ATP8A2: variants seen among roughly 807,000 people sequenced by gnomAD.
ATP8A2 encodes the protein phospholipid-transporting ATPase IB.
Under a neutral mutation model 165.6 loss-of-function variants are expected in ATP8A2, and 100 were observed. The observed-to-expected ratio is 0.60, with a 90% CI of 0.51 to 0.71. The LOEUF is 0.71. Among genes scored for constraint, ATP8A2 ranks in the 30% least tolerant of loss-of-function variants. The pLI, the probability that ATP8A2 is intolerant of heterozygous loss-of-function variation, is 0.00. For synonymous variants in ATP8A2, 543 were observed against 548.8 expected, an observed-to-expected ratio of 0.99 and a Z score of 0.15; for missense variants, 1,227 against 1,479.5, an observed-to-expected ratio of 0.83 and a Z score of 2.80.
chr13:25,768,704 A>T (rs567892877), intron 25 of ATP8A2, among the ~76,000 whole-genome samples: 1 of 152,278 alleles, frequency 6.6e-6, no homozygotes, highest in East Asian at 1.9e-4. Context: ...TTGGAAAGAC[A>T]TTTCCGAAGA....
chr13:25,600,617 C>G (rs1306125855), intron 24 of ATP8A2, among the ~76,000 whole-genome samples: 1 of 152,138 alleles, frequency 6.6e-6, no homozygotes, highest in Non-Finnish European at 1.5e-5. Flanking sequence ...CCCAGGAGAC[C>G]TCAGGGAGCC....
At chr13:25,876,680 A>G (rs1442422923) in intron 33 of ATP8A2, among the ~76,000 whole-genome samples, 1 of 152,208 alleles carries the variant, frequency 6.6e-6, no homozygotes. Context: ...TTAGAAATAA[A>G]AGGAAATGGA....
chr13:25,825,687 G>A (rs1170839104), intron 27 of ATP8A2, among the ~76,000 whole-genome samples: 1 of 152,156 alleles, frequency 6.6e-6, no homozygotes, highest in Non-Finnish European at 1.5e-5. Flanking sequence ...TGCACTAAAA[G>A]TGTGGTTGAA....
intron 36 of ATP8A2, among the ~76,000 whole-genome samples, chr13:26,018,113 T>C (rs1957023584): frequency 6.6e-6 from 1 of 152,216 alleles, no homozygotes; most frequent in Non-Finnish European, 1.5e-5. Context: ...GCTCAGCCCA[T>C]GTCCTCAGTC....
chr13:25,756,992 G>C (rs933961889), intron 25 of ATP8A2, among the ~76,000 whole-genome samples: 6 of 152,144 alleles, frequency 3.9e-5, no homozygotes, highest in African/African-American at 1.4e-4. Context: ...CTCGCTCAGC[G>C]CATTCGTTCC....
chr13:25,906,500 G>A (rs556496817), intron 33 of ATP8A2, among the ~76,000 whole-genome samples: 46 of 152,118 alleles, frequency 3.0e-4, no homozygotes, highest in Non-Finnish European at 5.4e-4. Context: ...CCTGAGCAGC[G>A]GTGGGGTCTC....
chr13:25,524,989 G>A (rs2037797070), intron 2 of ATP8A2, among the ~76,000 whole-genome samples: 1 of 145,834 alleles, frequency 6.9e-6, no homozygotes, highest in African/African-American at 2.6e-5. Flanking sequence ...TTCCTTTGTG[G>A]TTAAGTGATT....
At chr13:25,437,927 T>C (rs1342834461) in intron 1 of ATP8A2, among the ~76,000 whole-genome samples, 1 of 152,210 alleles carries the variant, frequency 6.6e-6, no homozygotes, top group Non-Finnish European at 1.5e-5. Flanking sequence ...TAATACTATA[T>C]GTTGATGATT....
In ATP8A2 at chr13:25,531,219, GAT is replaced by G. The variant is rs559677558; in HGVS notation, c.420+564_420+565del. ...GTTATATATGATATATGTTATATATGATATATGTTATATATGATATATATGTT... is the reference window on the plus strand; with the variant it reads ...GTTATATATGATATATGTTATATATGATATGTTATATATGATATATATGTT... On this transcript the variant is annotated intron_variant, in intron 4 of 36. Coordinates refer to ENST00000381655, the MANE Select transcript of ATP8A2 (RefSeq NM_016529.6). Among the ~76,000 whole-genome samples, 9 of 116,880 alleles carry G rather than the reference GAT, an allele frequency of 7.7e-5. No homozygotes were observed. The East Asian group carries it at 1.2e-3, about 15-fold the overall frequency. 76.7% of individuals were successfully genotyped at this position (116,880 alleles called of 152,430 possible). A position where few individuals can be genotyped will look rare whatever the true frequency, so the allele number is the denominator to read the frequency against.
chr13:25,920,496 G>A (rs1382683230), intron 33 of ATP8A2, among the ~76,000 whole-genome samples: 2 of 152,148 alleles, frequency 1.3e-5, no homozygotes, highest in African/African-American at 4.8e-5. Context: ...TTCTGCCTTA[G>A]TAAATGGCTC....
intron 25 of ATP8A2, among the ~76,000 whole-genome samples, chr13:25,720,381 C>T (rs1188276626): frequency 6.6e-6 from 1 of 152,008 alleles, no homozygotes; most frequent in African/African-American, 2.4e-5. Context: ...CCAGGATGGT[C>T]TCAATCTCCT....
rs763715384 is a variant in ATP8A2 at position 25,581,783 on chromosome 13, T to C, written c.2008-36T>C. 17 of 1,601,984 alleles carry C rather than the reference T, an allele frequency of 1.1e-5. No homozygotes were observed. The South Asian group carries it at 1.9e-4, about 18-fold the overall frequency. On this transcript the variant is annotated intron_variant, in intron 22 of 36. Transcript: ENST00000381655. Reference sequence around the variant, plus strand: ...TTTGTTAGTGCTGTTCTTAAGTATGTGCCAATCTTTAACTGAGGATATTTT... The same window carrying C: ...TTTGTTAGTGCTGTTCTTAAGTATGCGCCAATCTTTAACTGAGGATATTTT...
At position 26,021,595 on chromosome 13, in the gene ATP8A2, G is replaced by C. The variant is rs1339855150; in HGVS notation, c.*1610G>C. Reference sequence around the variant, plus strand: ...CTTCAGGCATGAATGTGAGCACCTGGAGCCCTTACTAAACAACCTGCCTGG... The same window carrying C: ...CTTCAGGCATGAATGTGAGCACCTGCAGCCCTTACTAAACAACCTGCCTGG... On this transcript the variant is annotated 3_prime_UTR_variant, in exon 37 of 37. Transcript: ENST00000381655. 6.6e-6 allele frequency: 1 copy of C among 152,152 alleles called. No homozygotes were observed. The highest frequency in any genetic ancestry group is 1.5e-5 in the Non-Finnish European group (1 of 68,034). The allele number at this position is 152,152 out of a possible 1,614,324, so 9.4% of individuals were successfully genotyped here.
At chr13:25,706,975 G>A (rs983022383) in intron 25 of ATP8A2, among the ~76,000 whole-genome samples, 2 of 151,992 alleles carry the variant, frequency 1.3e-5, no homozygotes, top group Admixed American at 6.6e-5. Flanking sequence ...GGATGAGAGC[G>A]CTCAGATGTA....
At chr13:25,537,018 G>A (rs2038307573) in intron 6 of ATP8A2, among the ~76,000 whole-genome samples, 1 of 152,192 alleles carries the variant, frequency 6.6e-6, no homozygotes, top group Non-Finnish European at 1.5e-5. Context: ...ATTGGAGTTA[G>A]GCTTGCCTGA....
At chr13:25,471,305 A>C (rs2137532802) in intron 2 of ATP8A2, among the ~76,000 whole-genome samples, 1 of 151,098 alleles carries the variant, frequency 6.6e-6, no homozygotes, top group South Asian at 2.1e-4. Flanking sequence ...AAAAAAAAAT[A>C]GAGGCCTTTG....
At chr13:25,737,726 A>G (rs1308645949) in intron 25 of ATP8A2, among the ~76,000 whole-genome samples, 4 of 152,134 alleles carry the variant, frequency 2.6e-5, no homozygotes, top group Non-Finnish European at 5.9e-5. Flanking sequence ...TCTGTCGCCC[A>G]GGCTGGAGTG....
intron 15 of ATP8A2, among the ~76,000 whole-genome samples, chr13:25,560,120 G>A (rs940981188): frequency 6.6e-6 from 1 of 152,104 alleles, no homozygotes; most frequent in Admixed American, 6.5e-5. Context: ...GAGAAACCAG[G>A]CTCGCCCTGG....
intron 33 of ATP8A2, among the ~76,000 whole-genome samples, chr13:25,927,619 G>T (rs1954648459): frequency 6.6e-6 from 1 of 152,196 alleles, no homozygotes; most frequent in Admixed American, 6.5e-5. Flanking sequence ...GCCACTCACT[G>T]GTTATTAGTT....
Sources: gnomAD v4.1 joint callset for allele counts (sites outside exome capture counted in the v4.1 genomes callset) on GRCh38, gnomAD v4.1.1 for gene constraint, MANE v1.5 for transcripts, NCBI Gene and HGNC (gene_info 2026-07-23, HGNC 2026-07-21) for gene names.